The following SPDYA variants were observed in gnomAD, a reference collection of about 807,000 sequenced individuals.
SPDYA encodes speedy protein A.
SPDYA carries 11 observed loss-of-function variants against 36.7 expected under a neutral mutation model. The observed-to-expected ratio is 0.30, with a 90% CI of 0.19 to 0.50. The LOEUF (loss-of-function observed/expected upper bound fraction) is 0.50, where lower values mean the gene tolerates loss of function less well. Among genes scored for constraint, SPDYA ranks in the 20% least tolerant of loss-of-function variants. SPDYA has a pLI of 0.98. For missense variants in SPDYA, 287 were observed against 370.9 expected, an observed-to-expected ratio of 0.77 and a Z score of 1.86; for synonymous variants, 115 against 118.7, an observed-to-expected ratio of 0.97 and a Z score of 0.20.
At chr2:28,815,245 G>A (rs1193453075) in intron 2 of SPDYA, among the ~76,000 whole-genome samples, 3 of 147,918 alleles carry the variant, frequency 2.0e-5, no homozygotes, top group African/African-American at 2.5e-5. Context: ...TCATGCCAAC[G>A]TACTCCAGTC....
In SPDYA at chr2:28,814,650, G is replaced by A. The variant is rs1196456964; in HGVS notation, c.-55G>A. 3 of 152,168 alleles carry A rather than the reference G, an allele frequency of 2.0e-5. No individual in the cohort carries two copies. The East Asian group carries it at 5.8e-4, about 29-fold the overall frequency. 9.4% of individuals were successfully genotyped at this position (152,168 alleles called of 1,614,324 possible). A position where few individuals can be genotyped will look rare whatever the true frequency, so the allele number is the denominator to read the frequency against. On this transcript the variant is annotated 5_prime_UTR_variant, in exon 2 of 8. Coordinates refer to ENST00000334056, the MANE Select transcript of SPDYA (RefSeq NM_182756.4). ...AAGGGAAATTTCTGAGGGTCAGGAA[G>A]GGGAATCTGTACCTCACTCCTTGAA...
intron 5 of SPDYA, among the ~76,000 whole-genome samples, chr2:28,827,088 G>A (rs1388830592): frequency 6.6e-6 from 1 of 151,004 alleles, no homozygotes; most frequent in Non-Finnish European, 1.5e-5. Flanking sequence ...ACTGGCGCCC[G>A]CCACCACGCC....
In SPDYA at chr2:28,850,512, A is replaced by C. The variant is rs1669039766; in HGVS notation, c.*571A>C. 1 of 729,254 alleles carries C rather than the reference A, an allele frequency of 1.4e-6. No individual in the cohort carries two copies. The highest frequency in any genetic ancestry group is 2.2e-6 in the Non-Finnish European group (1 of 452,610). 45.2% of individuals were successfully genotyped at this position (729,254 alleles called of 1,614,324 possible). On this transcript the variant is annotated 3_prime_UTR_variant, in exon 8 of 8. Coordinates refer to ENST00000334056, the MANE Select transcript of SPDYA (RefSeq NM_182756.4). ...TCTCTTTATTGTAAGTTTTTTCTTTATTTATTTCCTTGCATATGTTTTAGA... is the reference window on the plus strand; with the variant it reads ...TCTCTTTATTGTAAGTTTTTTCTTTCTTTATTTCCTTGCATATGTTTTAGA...
intron 7 of SPDYA, among the ~76,000 whole-genome samples, chr2:28,847,194 T>C (rs1271853704): frequency 1.3e-5 from 2 of 151,778 alleles, no homozygotes; most frequent in African/African-American, 4.8e-5. Flanking sequence ...AATACAAAAA[T>C]TAGCCAGGCG....
chr2:28,833,640 G>T (rs1410959852), intron 6 of SPDYA, among the ~76,000 whole-genome samples: 4 of 152,226 alleles, frequency 2.6e-5, no homozygotes, highest in South Asian at 2.1e-4. Flanking sequence ...TTCAACAAAT[G>T]GTGCTATGAC....
At chr2:28,817,584 A>G (rs1668018567) in intron 3 of SPDYA, among the ~76,000 whole-genome samples, 1 of 150,302 alleles carries the variant, frequency 6.7e-6, no homozygotes, top group Non-Finnish European at 1.5e-5. Context: ...AACTATAAAT[A>G]GAATTAATGG....
Position 28,849,858 on chromosome 2 carries a change from G to A in SPDYA, c.859G>A (p.Asp287Asn), listed in dbSNP as rs1668994735. Reference protein sequence around the residue: ...QAYTGSEVVNDHQSNKGKKTN... With the variant: ...QAYTGSEVVNNHQSNKGKKTN... The stretch of plus-strand genomic sequence containing the variant: ...TGCATATTTTATTTCAGTAGTCAAT[G>A]ACCATCAATCAAATAAAGGAAAGAA... Residue 287 changes from aspartate (D) to asparagine (N), a missense_variant, in exon 8 of 8, where the codon GAC becomes AAC. By Grantham distance (23) the Asp-to-Asn change is conservative (BLOSUM62 1). Transcript: ENST00000334056. 1 of 1,550,198 alleles carries A rather than the reference G, an allele frequency of 6.5e-7. No individual in the cohort carries two copies. Among genetic ancestry groups the A allele is most frequent in the Admixed American group, 2.0e-5 (1 of 49,596 alleles).
intron 7 of SPDYA, chr2:28,840,792 T>A: frequency 3.9e-6 from 4 of 1,023,162 alleles, no homozygotes; most frequent in Non-Finnish European, 4.7e-6. Context: ...TAAATTTACT[T>A]GTAATCTCAC....
chr2:28,828,044 T>G (rs184796511), intron 5 of SPDYA, among the ~76,000 whole-genome samples: 3 of 151,410 alleles, frequency 2.0e-5, no homozygotes, highest in African/African-American at 7.3e-5. Context: ...AGTGCAGTGT[T>G]GCAATCTCGG....
intron 6 of SPDYA, among the ~76,000 whole-genome samples, chr2:28,838,525 A>C (rs2148102420): frequency 6.6e-6 from 1 of 152,238 alleles, no homozygotes; most frequent in South Asian, 2.1e-4. Flanking sequence ...TGACCCTGGT[A>C]GTTTTATTTT....
At position 28,823,702 on chromosome 2, in the gene SPDYA, AATATATATATATATATATATATAT is replaced by A. The variant is rs1160889916; in HGVS notation, c.380+1312_380+1335del. 7.1e-4 allele frequency among the ~76,000 whole-genome samples: 35 copies of A among 49,226 alleles called. No homozygotes were observed. The East Asian group carries it at 0.013, about 18-fold the overall frequency. The allele number at this position is 49,226 out of a possible 152,430, so 32.3% of individuals were successfully genotyped here. A position where few individuals can be genotyped will look rare whatever the true frequency, so the allele number is the denominator to read the frequency against. ...ATAATGCTGTAGTTGGGAATGCATG[AATATATATATATATATATATATAT>A]ATATATATATATATATATAAAATTT... On this transcript the variant is annotated intron_variant, in intron 5 of 7. Coordinates refer to ENST00000334056, the MANE Select transcript of SPDYA (RefSeq NM_182756.4).
chr2:28,830,339 G>C (rs778477075), intron 6 of SPDYA, among the ~76,000 whole-genome samples: 7 of 151,512 alleles, frequency 4.6e-5, no homozygotes, highest in Non-Finnish European at 1.0e-4. Context: ...AATTAGCTGG[G>C]ACTACAGGCG....
chr2:28,827,596 T>C (rs1242128388), intron 5 of SPDYA, among the ~76,000 whole-genome samples: 1 of 152,170 alleles, frequency 6.6e-6, no homozygotes, highest in South Asian at 2.1e-4. Flanking sequence ...CTATTTCCAA[T>C]GAGAAATCTA....
At chr2:28,812,857 CAAAAAAAA>C (rs70956047) in intron 1 of SPDYA, among the ~76,000 whole-genome samples, 2 of 84,026 alleles carry the variant, frequency 2.4e-5, no homozygotes, top group East Asian at 8.1e-4. Context: ...AACTCCGTCT[CAAAAAAAA>C]AAAAAAAAAA....
At chr2:28,837,202 A>G (rs1297387189) in intron 6 of SPDYA, among the ~76,000 whole-genome samples, 1 of 152,262 alleles carries the variant, frequency 6.6e-6, no homozygotes, top group Non-Finnish European at 1.5e-5. Flanking sequence ...AAGGTTGTGA[A>G]GAAAATTGAT....
At chr2:28,829,040 T>C (rs910386997) in intron 5 of SPDYA, 108 bp from the exon 6 acceptor site, 9 of 871,860 alleles carry the variant, frequency 1.0e-5, no homozygotes, top group Non-Finnish European at 1.6e-5. Flanking sequence ...TAATTAACGT[T>C]GAACACCTTT....
At chr2:28,817,565 AAAAG>A (rs1668017721) in intron 3 of SPDYA, among the ~76,000 whole-genome samples, 1 of 151,212 alleles carries the variant, frequency 6.6e-6, no homozygotes. Context: ...GTCTCAAAAA[AAAAG>A]AAAGAACTAT....
rs1018632107 is a variant in SPDYA, at chr2:28,811,527, T to C, written c.-93+580T>C. On this transcript the variant is annotated intron_variant, in intron 1 of 7. Coordinates refer to ENST00000334056, the MANE Select transcript of SPDYA (RefSeq NM_182756.4). This position sits in a 1 kb window ranked among gnomAD's most constrained non-coding sequence, Gnocchi z 4.2. ...TTCTCAGAATTCACGAAGATTCTCT[T>C]ACATGACATCCAGTAGGACTGGAGG... 6.6e-6 allele frequency among the ~76,000 whole-genome samples: 1 copy of C among 152,082 alleles called. No individual in the cohort carries two copies. Among genetic ancestry groups the C allele is most frequent in the African/African-American group, 2.4e-5 (1 of 41,424 alleles).
intron 6 of SPDYA, among the ~76,000 whole-genome samples, chr2:28,831,676 A>T (rs1250975232): frequency 6.6e-6 from 1 of 152,200 alleles, no homozygotes; most frequent in Non-Finnish European, 1.5e-5. Context: ...AAAATCTAGT[A>T]CACTTCTAAT....
Sources: gnomAD v4.1 joint callset for allele counts (sites outside exome capture counted in the v4.1 genomes callset) on GRCh38, gnomAD v4.1.1 for gene constraint, Gnocchi (gnomAD v3.1) non-coding constraint, MANE v1.5 for transcripts, NCBI Gene and HGNC (gene_info 2026-07-23, HGNC 2026-07-21) for gene names.